Variants in PREP observed in about 807,000 individuals in gnomAD.
PREP encodes the protein prolyl endopeptidase.
PREP carries 29 observed loss-of-function variants against 87.6 expected under a neutral mutation model. The ratio of observed to expected loss-of-function variants is 0.33; its 90% CI spans 0.25 to 0.45. The LOEUF (loss-of-function observed/expected upper bound fraction) is 0.45, where lower values mean the gene tolerates loss of function less well. Among genes scored for constraint, PREP ranks in the 20% least tolerant of loss-of-function variants. The pLI, the probability that PREP is intolerant of heterozygous loss-of-function variation, is 1.00. For missense variants in PREP, 695 were observed against 886.5 expected, an observed-to-expected ratio of 0.78 and a Z score of 2.74; for synonymous variants, 337 against 328.6, an observed-to-expected ratio of 1.03 and a Z score of -0.28.
chr6:105,380,771 A>G (rs1004903397), intron 2 of PREP, among the ~76,000 whole-genome samples: 10 of 152,074 alleles, frequency 6.6e-5, no homozygotes, highest in Admixed American at 3.3e-4. Context: ...CCACGGAGGG[A>G]TTCTCTAAGG....
At chr6:105,318,910 T>C (rs1020265592) in intron 10 of PREP, among the ~76,000 whole-genome samples, 1 of 152,200 alleles carries the variant, frequency 6.6e-6, no homozygotes, top group Non-Finnish European at 1.5e-5. Context: ...TGTCATGAAC[T>C]TGGCGCAGAA....
intron 10 of PREP, among the ~76,000 whole-genome samples, chr6:105,307,145 A>G (rs570747308): frequency 1.3e-5 from 2 of 152,296 alleles, no homozygotes; most frequent in South Asian, 4.1e-4. Flanking sequence ...TATTTTCTTC[A>G]GACTCTGGAT....
intron 7 of PREP, among the ~76,000 whole-genome samples, chr6:105,352,447 C>T (rs1771983224): frequency 6.6e-6 from 1 of 152,210 alleles, no homozygotes; most frequent in Admixed American, 6.5e-5. Flanking sequence ...GGCCACTCTA[C>T]TGATTACGTT....
chr6:105,384,859 G>A (rs541575894), intron 2 of PREP, among the ~76,000 whole-genome samples: 1 of 152,148 alleles, frequency 6.6e-6, no homozygotes, highest in Non-Finnish European at 1.5e-5. Context: ...GATGACCTAA[G>A]AGAAAAAGAC....
chr6:105,349,546 A>G (rs576089672), intron 7 of PREP, among the ~76,000 whole-genome samples: 1 of 152,302 alleles, frequency 6.6e-6, no homozygotes, highest in African/African-American at 2.4e-5. Context: ...GACACAGATG[A>G]TGGCAACGTG....
In PREP at chr6:105,275,325, G is replaced by A. The variant is rs1244172187; in HGVS notation, c.*2819C>T. Among the ~76,000 whole-genome samples the A allele has an allele frequency of 6.6e-6, 1 of 152,308 alleles. No homozygotes were observed. The highest frequency in any genetic ancestry group is 1.5e-5 in the Non-Finnish European group (1 of 68,018). On this transcript the variant is annotated 3_prime_UTR_variant, in exon 15 of 15. Transcript: ENST00000652536. Reference sequence around the variant, plus strand: ...TTCAAACTTGTAGCACCATGTGTGTGTAGCTGCTTAAGCTTTAGTGGGAGT... The same window carrying A: ...TTCAAACTTGTAGCACCATGTGTGTATAGCTGCTTAAGCTTTAGTGGGAGT...
chr6:105,291,124 A>T (rs1230848597), intron 10 of PREP, among the ~76,000 whole-genome samples: 1 of 119,802 alleles, frequency 8.3e-6, no homozygotes, highest in Non-Finnish European at 1.6e-5. Flanking sequence ...CTTTATTGCT[A>T]AAAAAAACAC....
intron 2 of PREP, among the ~76,000 whole-genome samples, chr6:105,385,107 A>G (rs909857846): frequency 3.9e-5 from 6 of 152,172 alleles, no homozygotes; most frequent in Non-Finnish European, 7.4e-5. Context: ...GCTGACCAGA[A>G]GCTTGCTCCA....
intron 2 of PREP, among the ~76,000 whole-genome samples, chr6:105,381,090 T>G (rs747491027): frequency 9.2e-5 from 14 of 152,200 alleles, no homozygotes; most frequent in Non-Finnish European, 1.3e-4. Flanking sequence ...AATTCTAGGA[T>G]TAGTACATCC....
intron 7 of PREP, among the ~76,000 whole-genome samples, chr6:105,352,230 T>A (rs1454095028): frequency 6.6e-6 from 1 of 152,200 alleles, no homozygotes; most frequent in East Asian, 1.9e-4. Flanking sequence ...TGATAGGATT[T>A]CTGGGTCTGG....
intron 1 of PREP, among the ~76,000 whole-genome samples, chr6:105,401,608 T>C (rs1773432473): frequency 7.5e-6 from 1 of 133,884 alleles, no homozygotes; most frequent in African/African-American, 3.9e-5. Flanking sequence ...ACTCCCATAT[T>C]CAAAGGAAAC....
intron 2 of PREP, among the ~76,000 whole-genome samples, chr6:105,393,501 ATTCAG>A (rs1773212514): frequency 6.6e-6 from 1 of 152,202 alleles, no homozygotes; most frequent in Admixed American, 6.5e-5. Context: ...GCAACACACA[ATTCAG>A]TTGATTCTCT....
At chr6:105,353,647 C>T (rs2114684866) in intron 6 of PREP, among the ~76,000 whole-genome samples, 1 of 151,798 alleles carries the variant, frequency 6.6e-6, no homozygotes, top group South Asian at 2.1e-4. Context: ...TGGTAGGCGC[C>T]TGTAATCCCA....
chr6:105,289,908 G>A (rs1462184740), intron 10 of PREP, among the ~76,000 whole-genome samples: 5 of 152,128 alleles, frequency 3.3e-5, no homozygotes, highest in East Asian at 3.9e-4. Context: ...GTTCTGTTGC[G>A]CAAAGTTGCC....
chr6:105,394,894 C>G (rs556933623), intron 2 of PREP, among the ~76,000 whole-genome samples: 1 of 152,306 alleles, frequency 6.6e-6, no homozygotes, highest in East Asian at 1.9e-4. Flanking sequence ...GCTACTGCAA[C>G]AAGTAATCAT....
intron 1 of PREP, among the ~76,000 whole-genome samples, chr6:105,399,266 C>T (rs117802140): frequency 2.3e-3 from 357 of 152,296 alleles, no homozygotes; most frequent in Non-Finnish European, 3.6e-3. Context: ...TGTCTCCTTG[C>T]TTTGTTCTAC....
rs1365137616 is a variant in PREP at position 105,278,741 on chromosome 6, C to G, written c.1839-303G>C. 6.6e-6 allele frequency among the ~76,000 whole-genome samples: 1 copy of G among 151,944 alleles called. No individual in the cohort carries two copies. The highest frequency in any genetic ancestry group is 1.5e-5 in the Non-Finnish European group (1 of 67,988). On this transcript the variant is annotated intron_variant, in intron 14 of 14. Coordinates refer to ENST00000652536, the MANE Select transcript of PREP (RefSeq NM_002726.5). This position sits in a 1 kb window ranked among gnomAD's most constrained non-coding sequence, Gnocchi z 4.2. ...CTTAAGGTGAGTAGTTTCATATTCT[C>G]TAGGCTTTTTTTTTACTGCTACAAA...
At chr6:105,392,577 GT>G (rs1372061956) in intron 2 of PREP, among the ~76,000 whole-genome samples, 1 of 151,792 alleles carries the variant, frequency 6.6e-6, no homozygotes, top group Non-Finnish European at 1.5e-5. Flanking sequence ...TACAAATGTA[GT>G]TTTTGTTTGT....
chr6:105,334,041 C>A (rs1771415162), intron 7 of PREP, among the ~76,000 whole-genome samples: 1 of 152,156 alleles, frequency 6.6e-6, no homozygotes, highest in Admixed American at 6.5e-5. Flanking sequence ...TAGCAGCCAG[C>A]TAAAAAGGTC....
Sources: allele counts gnomAD v4.1 joint callset (sites outside exome capture counted in the v4.1 genomes callset), GRCh38; gene constraint gnomAD v4.1.1; non-coding constraint Gnocchi (gnomAD v3.1); transcripts MANE v1.5; gene names NCBI Gene and HGNC (gene_info 2026-07-23, HGNC 2026-07-21).